Variants in CPB2 observed in about 807,000 individuals in gnomAD.
CPB2 encodes carboxypeptidase B-like protein.
In CPB2, 54 loss-of-function variants were observed where a neutral mutation model predicts 57.0. The observed-to-expected ratio is 0.95, with a 90% confidence interval of 0.76 to 1.19. The LOEUF is 1.19. Ranked by LOEUF, CPB2 falls within the 50% of genes most tolerant of loss-of-function variation. The pLI is 0.00. For missense variants in CPB2, 426 were observed against 512.0 expected (o/e 0.83, Z 1.62); for synonymous variants, 189 against 178.1 (o/e 1.06, Z -0.49).
chr13:46,072,414 G>T (rs934731875), intron 6 of CPB2, among the ~76,000 whole-genome samples: 1 of 152,156 alleles, frequency 6.6e-6, no homozygotes, highest in African/African-American at 2.4e-5. Context: ...AGGCAGGCAA[G>T]AATGGAGTTT....
At chr13:46,059,085 A>G (rs1566396637) in intron 8 of CPB2, among the ~76,000 whole-genome samples, 3 of 152,224 alleles carry the variant, frequency 2.0e-5, no homozygotes, top group Non-Finnish European at 4.4e-5. Context: ...GTGCTTGCCA[A>G]TCTGAATCCC....
rs758670416 is a variant in CPB2, at chr13:46,064,637, C to T, written c.796+11G>A. ...GAAGAGACATTGCAAGAAATAAAGC[C>T]AACAACCTACCACACCAGTGTTTGG... On this transcript the variant is annotated intron_variant, in intron 8 of 10. Transcript: ENST00000181383. The T allele has an allele frequency of 6.2e-7, 1 of 1,611,150 alleles. No individual in the cohort carries two copies. The highest frequency in any genetic ancestry group is 1.1e-5 in the South Asian group (1 of 90,984).
Position 46,104,992 on chromosome 13 carries a change from A to G in CPB2, c.18T>C (p.Leu6=), listed in dbSNP as rs1367270112. 8 of 1,613,880 alleles carry G rather than the reference A, an allele frequency of 5.0e-6. No individual in the cohort carries two copies. The highest frequency in any genetic ancestry group is 1.3e-5 in the African/African-American group (1 of 74,926). The change falls in exon 1 of 11, where the codon CTT becomes CTC. Residue 6 remains leucine, a synonymous_variant. Coordinates refer to ENST00000181383, the MANE Select transcript of CPB2 (RefSeq NM_001872.5). MKLCS[L]AVLVPIVLFC... is the part of the protein sequence containing the mutation. ...AGAGAACAATGGGTACAAGGACTGC[A>G]AGGCTGCAAAGCTTCATCCCAACAG...
intron 4 of CPB2, among the ~76,000 whole-genome samples, chr13:46,082,139 G>C (rs192541674): frequency 2.0e-5 from 3 of 152,144 alleles, no homozygotes; most frequent in African/African-American, 7.2e-5. Flanking sequence ...TTTGGTGGCA[G>C]TTTTAATTAA....
intron 1 of CPB2, among the ~76,000 whole-genome samples, 187 bp downstream of exon 1, chr13:46,104,749 C>T (rs2045473638): frequency 6.6e-6 from 1 of 152,108 alleles, no homozygotes; most frequent in Admixed American, 6.5e-5. Flanking sequence ...GAAAAAAGAC[C>T]CTGTCTTTAG....
chr13:46,056,909 A>G (rs961308115), intron 9 of CPB2, among the ~76,000 whole-genome samples: 2 of 152,224 alleles, frequency 1.3e-5, no homozygotes, highest in Non-Finnish European at 2.9e-5. Flanking sequence ...CTCTGAATGC[A>G]TTAGTGAAGC....
intron 1 of CPB2, among the ~76,000 whole-genome samples, chr13:46,090,826 C>G (rs1181808342): frequency 6.6e-6 from 1 of 151,136 alleles, no homozygotes; most frequent in Non-Finnish European, 1.5e-5. Flanking sequence ...CTGGTTCAAG[C>G]GATTTTCCTG....
In CPB2 at chr13:46,064,865, G is replaced by T. The variant is rs545655174; in HGVS notation, c.703-124C>A. 5.7e-6 allele frequency: 4 copies of T among 696,942 alleles called. No individual in the cohort carries two copies. The East Asian group carries it at 1.1e-4, about 19-fold the overall frequency. The allele number at this position is 696,942 out of a possible 1,614,324, so 43.2% of individuals were successfully genotyped here. A position where few individuals can be genotyped will look rare whatever the true frequency, so the allele number is the denominator to read the frequency against. On this transcript the variant is annotated intron_variant, in intron 7 of 10. Coordinates refer to ENST00000181383, the MANE Select transcript of CPB2 (RefSeq NM_001872.5). ...TCTCCTTCAATCCCATACCTTGCAT[G>T]GCTTCATCACATCACTGTTGTTGCA...
chr13:46,101,330 T>A (rs1371406308), intron 1 of CPB2: 7 of 152,258 alleles, frequency 4.6e-5, no homozygotes. Flanking sequence ...CTTTGTTCAA[T>A]TAAATTTTGC....
intron 8 of CPB2, 25 bp downstream of exon 8, chr13:46,064,623 G>A: frequency 1.3e-6 from 2 of 1,584,648 alleles, no homozygotes; most frequent in African/African-American, 1.3e-5. Flanking sequence ...AAGAGACATT[G>A]CAAGAAATAA....
chr13:46,088,281 C>T (rs1248000642), intron 1 of CPB2, among the ~76,000 whole-genome samples: 1 of 152,188 alleles, frequency 6.6e-6, no homozygotes, highest in East Asian at 1.9e-4. Context: ...GAGGTATCCT[C>T]TACCTTAAAT....
At chr13:46,076,559 G>C (rs8181800) in intron 5 of CPB2, among the ~76,000 whole-genome samples, 52,173 of 151,846 alleles carry the variant, frequency 0.34, 9,170 homozygotes, top group African/African-American at 0.39. Context: ...CCGTACTACC[G>C]AATGGAATCT....
intron 8 of CPB2, among the ~76,000 whole-genome samples, chr13:46,061,719 G>A (rs1387145073): frequency 6.6e-6 from 1 of 152,076 alleles, no homozygotes; most frequent in Non-Finnish European, 1.5e-5. Flanking sequence ...ATGGTATTTG[G>A]TTATAGCAGC....
At chr13:46,081,210 G>A (rs2045111137) in intron 4 of CPB2, among the ~76,000 whole-genome samples, 1 of 152,064 alleles carries the variant, frequency 6.6e-6, no homozygotes, top group African/African-American at 2.4e-5. Flanking sequence ...TTTTCCTCCT[G>A]TGTCATTCCA....
At position 46,064,720 on chromosome 13, in the gene CPB2, G is replaced by T. The variant is rs377401738; in HGVS notation, c.724C>A (p.Arg242Ser). 6.2e-7 allele frequency: 1 copy of T among 1,613,812 alleles called. No individual in the cohort carries two copies. The highest frequency in any genetic ancestry group is 1.3e-5 in the African/African-American group (1 of 75,040). The change falls in exon 8 of 11, where the codon CGT (arginine) becomes AGT (serine). Residue 242 changes from arginine to serine, a missense_variant. Transcript: ENST00000181383. The part of the protein sequence containing the change: ...WKKNRMWRKN[R>S]SFYANNHCIG... ...CAATGATTGTTCGCATAGAAAGAACGGTTCTTTCTCCACATTCGATTCTAC... is the reference window on the plus strand; with the variant it reads ...CAATGATTGTTCGCATAGAAAGAACTGTTCTTTCTCCACATTCGATTCTAC...
intron 9 of CPB2, among the ~76,000 whole-genome samples, chr13:46,056,246 A>G (rs1193875489): frequency 1.3e-5 from 2 of 152,168 alleles, no homozygotes; most frequent in Non-Finnish European, 2.9e-5. Context: ...TTCTAAACAC[A>G]TACAAACACC....
At chr13:46,063,139 G>A (rs1417613919) in intron 8 of CPB2, among the ~76,000 whole-genome samples, 7 of 152,198 alleles carry the variant, frequency 4.6e-5, no homozygotes, top group Non-Finnish European at 1.0e-4. Context: ...GGAAGAAAGA[G>A]TGAACTAACA....
chr13:46,074,001 A>G (rs1397210491), intron 5 of CPB2, 24 bp from the exon 6 acceptor site: 1 of 1,386,054 alleles, frequency 7.2e-7, no homozygotes. Flanking sequence ...CCCCAAAAGT[A>G]GCAAAAACAG....
chr13:46,068,569 T>G (rs2044889263), intron 6 of CPB2, among the ~76,000 whole-genome samples: 1 of 152,174 alleles, frequency 6.6e-6, no homozygotes, highest in Non-Finnish European at 1.5e-5. Flanking sequence ...ATACTTTAAG[T>G]TCTGGGATAC....
Sources: gnomAD v4.1 joint callset for allele counts (sites outside exome capture counted in the v4.1 genomes callset) on GRCh38, gnomAD v4.1.1 for gene constraint, MANE v1.5 for transcripts, NCBI Gene and HGNC (gene_info 2026-07-23, HGNC 2026-07-21) for gene names.